The following NTN1 variants were observed in gnomAD, a reference collection of about 807,000 sequenced individuals.
NTN1 encodes the protein netrin-1.
A neutral mutation model predicts 54.2 loss-of-function variants in NTN1; 11 were observed. The ratio of observed to expected loss-of-function variants is 0.20; its 90% CI spans 0.13 to 0.34. The LOEUF (loss-of-function observed/expected upper bound fraction) is 0.34, where lower values mean the gene tolerates loss of function less well. Among genes scored for constraint, NTN1 ranks in the 10% least tolerant of loss-of-function variants. The pLI is 1.00. For synonymous variants in NTN1, 371 were observed against 382.0 expected (o/e 0.97, Z 0.33); for missense variants, 740 against 893.1 (o/e 0.83, Z 2.18).
intron 5 of NTN1, among the ~76,000 whole-genome samples, chr17:9,194,616 T>G (rs8081873): frequency 0.29 from 44,417 of 152,040 alleles, 7,174 homozygotes; most frequent in Middle Eastern, 0.45. Context: ...CTCTTCCTAC[T>G]GGATGCCAGC....
At chr17:9,223,928 G>A (rs67837837) in intron 6 of NTN1, among the ~76,000 whole-genome samples, 34,877 of 152,122 alleles carry the variant, frequency 0.23, 4,344 homozygotes, top group African/African-American at 0.28. Flanking sequence ...GGGCTTGCTT[G>A]GGGAATGGAT....
At chr17:9,074,875 G>A (rs1482111350) in intron 2 of NTN1, among the ~76,000 whole-genome samples, 2 of 152,226 alleles carry the variant, frequency 1.3e-5, no homozygotes, top group African/African-American at 4.8e-5. Context: ...TCTCAGGAAT[G>A]TGTTGGGCCC....
chr17:9,202,638 A>C (rs1363701600), intron 5 of NTN1, among the ~76,000 whole-genome samples: 1 of 151,872 alleles, frequency 6.6e-6, no homozygotes, highest in African/African-American at 2.4e-5. Flanking sequence ...CAGAAACCTG[A>C]GACACATTAT....
chr17:9,106,520 CCTTCCTTCCTTT>C (rs2092167452), intron 2 of NTN1, among the ~76,000 whole-genome samples: 1 of 92,530 alleles, frequency 1.1e-5, no homozygotes, highest in Admixed American at 1.3e-4. Flanking sequence ...TTCCTTCCTT[CCTTCCTTCCTTT>C]CGACAGAGTC....
chr17:9,108,578 A>T lies in NTN1; in HGVS notation c.1019-54235A>T, dbSNP rs542545552. ...GTTTGTATTAAAATTTGAGAACTTA[A>T]AACATTATTCAGTAGACATAGCAAG... On this transcript the variant is annotated intron_variant, in intron 2 of 6. Transcript: ENST00000173229. 2.6e-5 allele frequency among the ~76,000 whole-genome samples: 4 copies of T among 152,316 alleles called. No homozygotes were observed. In the East Asian group the frequency reaches 5.8e-4, roughly 22 times the overall value.
rs1403472414 is a variant in NTN1, at chr17:9,212,798, C to T, written c.1412-8370C>T. On this transcript the variant is annotated intron_variant, in intron 5 of 6. Transcript: ENST00000173229. The surrounding 1 kb of genome is among the most constrained non-coding windows in gnomAD (Gnocchi z 5.5). ...CAGAAGCAGAGCGGCAGAGGTGTTG[C>T]GAGCGAGTGGGCCAGGGCTGCTGAG... 6.6e-6 allele frequency among the ~76,000 whole-genome samples: 1 copy of T among 152,218 alleles called. No homozygotes were observed. Among genetic ancestry groups the T allele is most frequent in the East Asian group, 1.9e-4 (1 of 5,190 alleles).
Position 9,022,941 on chromosome 17 carries a change from C to A in NTN1, c.568C>A (p.Arg190Ser), listed in dbSNP as rs2091857642. 6.2e-7 allele frequency: 1 copy of A among 1,611,638 alleles called. No individual in the cohort carries two copies. The highest frequency in any genetic ancestry group is 1.3e-5 in the African/African-American group (1 of 74,836). ...QCRKMYNRPH[R>S]APITKQNEQE... ...CCGCAAGATGTACAACCGGCCGCAC[C>A]GCGCGCCCATCACCAAGCAGAACGA... is the stretch of plus-strand genomic sequence containing the variant. The change falls in exon 2 of 7, where the codon CGC (arginine) becomes AGC (serine). Residue 190 changes from arginine (R) to serine (S), a missense_variant. Coordinates refer to ENST00000173229, the MANE Select transcript of NTN1 (RefSeq NM_004822.3).
intron 2 of NTN1, among the ~76,000 whole-genome samples, chr17:9,120,627 A>G (rs1265593321): frequency 6.6e-6 from 1 of 152,102 alleles, no homozygotes; most frequent in African/African-American, 2.4e-5. Context: ...TGATGACTTC[A>G]GTGCTGCTTA....
At chr17:9,029,905 T>C (rs1016815720) in intron 2 of NTN1, among the ~76,000 whole-genome samples, 3 of 151,936 alleles carry the variant, frequency 2.0e-5, no homozygotes, top group African/African-American at 7.3e-5. Flanking sequence ...GGCAGGAGAA[T>C]TGCTTGAACC....
At chr17:9,238,864 T>C (rs1039091064) in intron 6 of NTN1, among the ~76,000 whole-genome samples, 3 of 152,230 alleles carry the variant, frequency 2.0e-5, no homozygotes, top group Non-Finnish European at 4.4e-5. Flanking sequence ...CTCACCCAGA[T>C]CTGTTCAATC....
chr17:9,148,959 G>A lies in NTN1; in HGVS notation c.1019-13854G>A, dbSNP rs75101236. On this transcript the variant is annotated intron_variant, in intron 2 of 6. Transcript: ENST00000173229. ...GGGTAGAGGGGAACAAAGGGCTGGG[G>A]AAGGTGTCCTGGGAATTGCATGTTT... Among the ~76,000 whole-genome samples, 18 of 152,230 alleles carry A rather than the reference G, an allele frequency of 1.2e-4. No individual in the cohort carries two copies. The East Asian group carries it at 3.5e-3, about 29-fold the overall frequency.
upstream of NTN1, among the ~76,000 whole-genome samples, chr17:9,019,968 G>C (rs965611472): frequency 6.6e-6 from 1 of 152,152 alleles, no homozygotes; most frequent in Admixed American, 6.5e-5. Flanking sequence ...GCTACCCCGG[G>C]GTAAGAAGAT....
chr17:9,127,914 C>T (rs1247964096), intron 2 of NTN1, among the ~76,000 whole-genome samples: 1 of 151,454 alleles, frequency 6.6e-6, no homozygotes, highest in Non-Finnish European at 1.5e-5. Context: ...GTCGGGAGTT[C>T]GAGACCAGCC....
chr17:9,040,240 G>C (rs1231798933), intron 2 of NTN1, among the ~76,000 whole-genome samples: 1 of 152,190 alleles, frequency 6.6e-6, no homozygotes, highest in Admixed American at 6.5e-5. Flanking sequence ...CAATTTGGAA[G>C]TATAGAACAT....
intron 5 of NTN1, among the ~76,000 whole-genome samples, chr17:9,184,573 G>A (rs541734281): frequency 3.3e-5 from 5 of 152,292 alleles, no homozygotes; most frequent in South Asian, 4.1e-4. Flanking sequence ...TGTGCACACC[G>A]CGGGGGGCTG....
chr17:9,089,887 CTTTTTT>C (rs903423416), intron 2 of NTN1, among the ~76,000 whole-genome samples: 1 of 150,318 alleles, frequency 6.7e-6, no homozygotes, highest in Non-Finnish European at 1.5e-5. Flanking sequence ...GCCAAACAAA[CTTTTTT>C]TTTTAAACAC....
At chr17:9,127,079 G>GA (rs370407384) in intron 2 of NTN1, among the ~76,000 whole-genome samples, 3 of 140,766 alleles carry the variant, frequency 2.1e-5, no homozygotes, top group Admixed American at 2.1e-4. Flanking sequence ...GCCGGGGGGG[G>GA]GCAGGACAGG....
At chr17:9,029,365 A>G (rs1021931226) in intron 2 of NTN1, among the ~76,000 whole-genome samples, 4 of 152,224 alleles carry the variant, frequency 2.6e-5, no homozygotes, top group African/African-American at 9.6e-5. Context: ...AAGTGTGGAT[A>G]AGTCTGCAGG....
chr17:9,174,381 A>G (rs2092394800), intron 3 of NTN1: 1 of 152,406 alleles, frequency 6.6e-6, no homozygotes. Flanking sequence ...GGAGAAGAAG[A>G]TGCTTACCTG....
Sources: allele counts gnomAD v4.1 joint callset (sites outside exome capture counted in the v4.1 genomes callset), GRCh38; gene constraint gnomAD v4.1.1; non-coding constraint Gnocchi (gnomAD v3.1); transcripts MANE v1.5; gene names NCBI Gene and HGNC (gene_info 2026-07-23, HGNC 2026-07-21).